The following LIMA1 variants were observed in gnomAD, a reference collection of about 807,000 sequenced individuals.
LIMA1 encodes the protein LIM domain and actin binding 1, also known as LIM domain and actin-binding protein 1.
In LIMA1, 52 loss-of-function variants were observed where a neutral mutation model predicts 62.6. The observed-to-expected ratio is 0.83, with a 90% CI of 0.67 to 1.05. The LOEUF (loss-of-function observed/expected upper bound fraction) is 1.05. LIMA1 is among the 50% of genes least tolerant of loss of function. The pLI, the probability that LIMA1 is intolerant of heterozygous loss-of-function variation, is 0.00. For synonymous variants in LIMA1, 302 were observed against 317.8 expected (o/e 0.95, Z 0.53); for missense variants, 780 against 902.2 (o/e 0.86, Z 1.74).
chr12:50,206,033 C>T lies in LIMA1; in HGVS notation c.666G>A (p.Arg222=). The part of the protein sequence containing the change: ...LRAQSRSASG[R]KISENSYSLD... ...GAGAATAGCTGTTTTCAGAGATCTT[C>T]CTTCCACTTGCACTTCGGCTTTGGG... Residue 222 remains arginine, a synonymous_variant, in exon 5 of 11, where the codon AGG becomes AGA. Coordinates refer to ENST00000341247, the MANE Select transcript of LIMA1 (RefSeq NM_016357.5). 1 of 1,612,904 alleles carries T rather than the reference C, an allele frequency of 6.2e-7. No homozygotes were observed. Among genetic ancestry groups the T allele is most frequent in the African/African-American group, 1.3e-5 (1 of 75,018 alleles).
chr12:50,268,214 A>C (rs1220200397), intron 1 of LIMA1, among the ~76,000 whole-genome samples: 1 of 152,042 alleles, frequency 6.6e-6, no homozygotes, highest in Non-Finnish European at 1.5e-5. Context: ...CCCACCCCTG[A>C]CTGCTCATTA....
chr12:50,267,419 G>A (rs1411980084), intron 1 of LIMA1, among the ~76,000 whole-genome samples: 1 of 151,984 alleles, frequency 6.6e-6, no homozygotes, highest in Non-Finnish European at 1.5e-5. Context: ...GTTTCACCAT[G>A]TTGGCCAGGC....
intron 2 of LIMA1, among the ~76,000 whole-genome samples, chr12:50,243,263 T>G (rs945766511): frequency 5.3e-5 from 8 of 152,238 alleles, no homozygotes; most frequent in African/African-American, 1.7e-4. Flanking sequence ...AAACATCAGC[T>G]AGATTAAGCT....
Position 50,178,074 on chromosome 12 carries a change from C to A in LIMA1, c.1275-5G>T. On this transcript the variant is annotated splice_polypyrimidine_tract_variant and splice_region_variant and intron_variant, in intron 10 of 10. Coordinates refer to ENST00000341247, the MANE Select transcript of LIMA1 (RefSeq NM_016357.5). ...AAAGATGCATATGTTCCTAGACTGT[C>A]ATTAAAAGAAAAAAAGCATAAACTT... The A allele has an allele frequency of 1.4e-6, 2 of 1,423,332 alleles. No homozygotes were observed. The highest frequency in any genetic ancestry group is 3.7e-5 in the South Asian group (2 of 54,504). 88.2% of individuals were successfully genotyped at this position (1,423,332 alleles called of 1,614,324 possible).
At chr12:50,245,282 G>A (rs1941832027) in intron 2 of LIMA1, among the ~76,000 whole-genome samples, 2 of 151,648 alleles carry the variant, frequency 1.3e-5, no homozygotes, top group Admixed American at 6.6e-5. Flanking sequence ...GCATGGTGGT[G>A]CATGCCTGTG....
intron 8 of LIMA1, among the ~76,000 whole-genome samples, chr12:50,193,679 T>TC (rs1259311168): frequency 2.3e-5 from 3 of 133,116 alleles, no homozygotes; most frequent in Non-Finnish European, 4.8e-5. Context: ...TTTTTTTTTT[T>TC]TTTTTTTCAG....
chr12:50,272,559 T>C (rs1442733895), intron 1 of LIMA1, among the ~76,000 whole-genome samples: 1 of 142,128 alleles, frequency 7.0e-6, no homozygotes, highest in African/African-American at 2.7e-5. Context: ...GCCATTGCAT[T>C]CCAGCCTGGG....
At chr12:50,272,838 G>A (rs887157898) in intron 1 of LIMA1, among the ~76,000 whole-genome samples, 1 of 151,682 alleles carries the variant, frequency 6.6e-6, no homozygotes, top group Non-Finnish European at 1.5e-5. Flanking sequence ...ACGAGGTCAG[G>A]AGATCGAGAC....
At position 50,200,886 on chromosome 12, in the gene LIMA1, T is replaced by C. The variant is rs1172380676; in HGVS notation, c.865-2A>G. ...GCCACCACTGGCTTTCAGCTCATTC[T>C]ACAAAATAAAAATAACTGTAAAAAT... is the stretch of plus-strand genomic sequence containing the variant. On this transcript the variant is annotated splice_acceptor_variant, in intron 6 of 10. Coordinates refer to ENST00000341247, the MANE Select transcript of LIMA1 (RefSeq NM_016357.5). LOFTEE classifies it high-confidence loss of function. 6.2e-7 allele frequency: 1 copy of C among 1,612,324 alleles called. No individual in the cohort carries two copies. Among genetic ancestry groups the C allele is most frequent in the South Asian group, 1.1e-5 (1 of 90,902 alleles).
chr12:50,206,892 A>G (rs1361613667), intron 4 of LIMA1, among the ~76,000 whole-genome samples: 2 of 152,200 alleles, frequency 1.3e-5, no homozygotes, highest in South Asian at 2.1e-4. Context: ...CTTTTTGTCC[A>G]TATATTTCCA....
chr12:50,193,053 T>C (rs1411668333), intron 8 of LIMA1, among the ~76,000 whole-genome samples: 1 of 152,138 alleles, frequency 6.6e-6, no homozygotes, highest in African/African-American at 2.4e-5. Context: ...CTGTTTTTGG[T>C]CAGTTCTATA....
At chr12:50,270,604 CAAAAAAAAAA>C (rs150300834) in intron 1 of LIMA1, among the ~76,000 whole-genome samples, 4 of 71,696 alleles carry the variant, frequency 5.6e-5, no homozygotes, top group African/African-American at 1.5e-4. Context: ...GACCTTATCT[CAAAAAAAAAA>C]AAAAAAAAAA....
intron 1 of LIMA1, among the ~76,000 whole-genome samples, chr12:50,252,241 C>T (rs915863208): frequency 1.3e-5 from 2 of 152,060 alleles, no homozygotes; most frequent in African/African-American, 4.8e-5. Context: ...AGCATTAGCA[C>T]CTTTGGGGAG....
rs183544364 is a variant in LIMA1, at chr12:50,277,137, G to T, written c.-24+6283C>A. On this transcript the variant is annotated intron_variant, in intron 1 of 10. Transcript: ENST00000341247. ...GAGTTTTGTGGCACAGGTCAGCAGG[G>T]CTTCTGTGATTTTATCTTACCAGTT... is the stretch of plus-strand genomic sequence containing the variant. 2.8e-4 allele frequency among the ~76,000 whole-genome samples: 42 copies of T among 152,178 alleles called. 1 individual carries two copies. The highest frequency in any genetic ancestry group is 2.6e-3 in the Admixed American group (40 of 15,254).
intron 2 of LIMA1, among the ~76,000 whole-genome samples, chr12:50,244,623 C>A (rs1289244980): frequency 6.6e-6 from 1 of 152,200 alleles, no homozygotes; most frequent in Non-Finnish European, 1.5e-5. Context: ...GACAGTTTTG[C>A]AATCCTTTCA....
rs530007792 is a variant in LIMA1 at position 50,263,880 on chromosome 12, GTATATA to G, written c.-23-15112_-23-15107del. On this transcript the variant is annotated intron_variant, in intron 1 of 10. Coordinates refer to ENST00000341247, the MANE Select transcript of LIMA1 (RefSeq NM_016357.5). ...GAGTATATATATATATATATATAAAGTATATATATATATATAAAGTATGTATATATA... is the reference window on the plus strand; with the variant it reads ...GAGTATATATATATATATATATAAAGTATATATATAAAGTATGTATATATA... Among the ~76,000 whole-genome samples, 14 of 106,656 alleles carry G rather than the reference GTATATA, an allele frequency of 1.3e-4. 1 individual carries two copies. The highest frequency in any genetic ancestry group is 6.1e-4 in the East Asian group (2 of 3,260). 70.0% of individuals were successfully genotyped at this position (106,656 alleles called of 152,430 possible).
intron 7 of LIMA1, chr12:50,196,120 T>C: frequency 9.0e-6 from 4 of 442,818 alleles, no homozygotes; most frequent in Non-Finnish European, 4.0e-6. Flanking sequence ...AGAAACAGAC[T>C]GCACTCAACT....
At chr12:50,236,646 G>A (rs114338688) in intron 2 of LIMA1, among the ~76,000 whole-genome samples, 3,498 of 152,010 alleles carry the variant, frequency 0.023, 129 homozygotes, top group African/African-American at 0.08. Context: ...TCCCTTTCTC[G>A]GCTTGGAGTC....
intron 4 of LIMA1, among the ~76,000 whole-genome samples, chr12:50,215,627 G>T (rs1321410517): frequency 6.6e-6 from 1 of 151,820 alleles, no homozygotes; most frequent in African/African-American, 2.4e-5. Context: ...CCGCCACCAC[G>T]CCCGGCTAAT....
Sources: gnomAD v4.1 joint callset for allele counts (sites outside exome capture counted in the v4.1 genomes callset) on GRCh38, gnomAD v4.1.1 for gene constraint, MANE v1.5 for transcripts, NCBI Gene and HGNC (gene_info 2026-07-23, HGNC 2026-07-21) for gene names.